Variants in CPEB1 observed in about 807,000 individuals in gnomAD.
CPEB1 encodes the protein cytoplasmic polyadenylation element-binding protein 1.
In CPEB1, 7 loss-of-function variants were observed where a neutral mutation model predicts 65.8. The observed-to-expected ratio is 0.11, with a 90% CI of 0.06 to 0.20. The LOEUF is 0.20. Among genes scored for constraint, CPEB1 ranks in the 10% least tolerant of loss-of-function variants. The pLI is 1.00. For synonymous variants in CPEB1, 262 were observed against 260.0 expected, an observed-to-expected ratio of 1.01 and a Z score of -0.08; for missense variants, 551 against 712.2, an observed-to-expected ratio of 0.77 and a Z score of 2.58.
intron 1 of CPEB1, chr15:82,628,882 G>A (rs531896836): frequency 6.1e-5 from 10 of 165,140 alleles, no homozygotes; most frequent in East Asian, 1.7e-4. Context: ...GTAAGAATAC[G>A]GTATAAAATA....
rs1480148601 is a variant in CPEB1 at position 82,552,669 on chromosome 15, T to C, written c.1145-53A>G. On this transcript the variant is annotated intron_variant, in intron 8 of 12. Coordinates refer to ENST00000684509, the MANE Select transcript of CPEB1 (RefSeq NM_001365242.1). ...TTAATATCCCTTAGGTGGCCACTCC[T>C]CAGCCTTGGCTTTGCAGCAGGGCGT... The C allele has an allele frequency of 1.9e-6, 3 of 1,595,180 alleles. No individual in the cohort carries two copies. The Admixed American group carries it at 5.1e-5, about 27-fold the overall frequency.
intron 3 of CPEB1, among the ~76,000 whole-genome samples, chr15:82,575,742 G>T (rs950414493): frequency 6.6e-6 from 1 of 152,028 alleles, no homozygotes; most frequent in Non-Finnish European, 1.5e-5. Flanking sequence ...AGACACTACT[G>T]CACACCTACT....
At chr15:82,611,771 A>G (rs2044174047) in intron 3 of CPEB1, among the ~76,000 whole-genome samples, 1 of 152,080 alleles carries the variant, frequency 6.6e-6, no homozygotes, top group African/African-American at 2.4e-5. Flanking sequence ...ATAAGTTTAA[A>G]AAAAACACAC....
At position 82,611,591 on chromosome 15, in the gene CPEB1, T is replaced by C. The variant is rs538337551; in HGVS notation, c.271+15602A>G. On this transcript the variant is annotated intron_variant, in intron 3 of 12. Transcript: ENST00000684509. ...GGCCAACATAGCAAGACCCCATCTC[T>C]ACAAAAAAATAAAAATAAAAATTAG... is the stretch of plus-strand genomic sequence containing the variant. Among the ~76,000 whole-genome samples the C allele has an allele frequency of 4.9e-4, 74 of 151,160 alleles. 1 individual carries two copies. Among genetic ancestry groups the C allele is most frequent in the African/African-American group, 1.7e-3 (69 of 41,136 alleles).
intron 1 of CPEB1, among the ~76,000 whole-genome samples, chr15:82,637,622 C>A (rs1320672700): frequency 6.6e-6 from 1 of 152,132 alleles, no homozygotes; most frequent in Non-Finnish European, 1.5e-5. Context: ...ACATGCTATT[C>A]TGAAACACTT....
rs186787813 is a variant in CPEB1 at position 82,628,257 on chromosome 15, A to C, written c.96+107T>G. 12 of 702,920 alleles carry C rather than the reference A, an allele frequency of 1.7e-5. No homozygotes were observed. The Admixed American group carries it at 2.4e-4, about 14-fold the overall frequency. The allele number at this position is 702,920 out of a possible 1,614,324, so 43.5% of individuals were successfully genotyped here. A position where few individuals can be genotyped will look rare whatever the true frequency, so the allele number is the denominator to read the frequency against. On this transcript the variant is annotated intron_variant, in intron 2 of 12. Coordinates refer to ENST00000684509, the MANE Select transcript of CPEB1 (RefSeq NM_001365242.1). ...GTACATGACTTCACAGATTTACCAC[A>C]GAGCCAATACAGGAAATCATGAAAG...
chr15:82,614,802 G>A (rs2044537211), intron 3 of CPEB1, among the ~76,000 whole-genome samples: 1 of 151,976 alleles, frequency 6.6e-6, no homozygotes. Flanking sequence ...TTCTTCAAGA[G>A]ACTTACAGTA....
intron 9 of CPEB1, among the ~76,000 whole-genome samples, chr15:82,552,034 G>A (rs1344717533): frequency 1.3e-5 from 2 of 152,192 alleles, no homozygotes; most frequent in Admixed American, 1.3e-4. Flanking sequence ...AGGTGGGTGT[G>A]GGCTAAAGAG....
At chr15:82,565,079 A>T (rs2038902633) in intron 4 of CPEB1, among the ~76,000 whole-genome samples, 1 of 152,196 alleles carries the variant, frequency 6.6e-6, no homozygotes, top group Admixed American at 6.5e-5. Context: ...GATATACTGT[A>T]AATTTGACTA....
At chr15:82,648,215 A>C, upstream of CPEB1, 1 of 273,942 alleles carries the variant, frequency 3.7e-6, no homozygotes, top group Non-Finnish European at 6.9e-6. Context: ...TGAGCGCGCC[A>C]TCACCTAAGT....
At chr15:82,647,703 A>G, upstream of CPEB1, 1 of 557,932 alleles carries the variant, frequency 1.8e-6, no homozygotes, top group Non-Finnish European at 2.6e-6. Context: ...ACGAGGCCCC[A>G]CGCCCGCGGG....
At position 82,630,657 on chromosome 15, in the gene CPEB1, AAC is replaced by A. The variant is rs149860963; in HGVS notation, c.-97-2103_-97-2102del. ...AAGACCCGATCCTGTAAACATCCAC[AAC>A]ACAGACTACAACGTGCTGTAAATGT... On this transcript the variant is annotated intron_variant, in intron 1 of 12. Coordinates refer to ENST00000684509, the MANE Select transcript of CPEB1 (RefSeq NM_001365242.1). Among the ~76,000 whole-genome samples the A allele has an allele frequency of 9.6e-3, 1,455 of 152,190 alleles. 23 individuals carry two copies. Among genetic ancestry groups the A allele is most frequent in the African/African-American group, 0.031 (1,303 of 41,516 alleles).
upstream of CPEB1, chr15:82,647,542 G>C (rs769615963): frequency 6.9e-6 from 2 of 289,890 alleles, no homozygotes; most frequent in Non-Finnish European, 1.3e-5. Context: ...TGTCCGGTCA[G>C]CTCCCGTCTG....
chr15:82,646,053 C>G (rs1218256754), intron 1 of CPEB1, among the ~76,000 whole-genome samples: 2 of 152,148 alleles, frequency 1.3e-5, no homozygotes, highest in Non-Finnish European at 2.9e-5. Context: ...GCTCCACAAG[C>G]TTTTCTAACT....
chr15:82,556,297 A>T, intron 5 of CPEB1, 175 bp from the exon 6 acceptor site: 1 of 669,982 alleles, frequency 1.5e-6, no homozygotes, highest in South Asian at 2.5e-5. Context: ...AATTTAAACA[A>T]ATGCTCCTTC....
Position 82,556,007 on chromosome 15 carries a change from G to C in CPEB1, c.803C>G (p.Ala268Gly). 1 of 1,613,676 alleles carries C rather than the reference G, an allele frequency of 6.2e-7. No homozygotes were observed. Among genetic ancestry groups the C allele is most frequent in the Non-Finnish European group, 8.5e-7 (1 of 1,179,818 alleles). Reference protein sequence around the residue: ...SRMDQEQAALAAVTPSPTSAS... With the variant: ...SRMDQEQAALGAVTPSPTSAS... ...ACTGGTTGGGGAGGGAGTGACTGCA[G>C]CAAGAGCAGCTTGCTCTTGGTCCAT... Residue 268 changes from alanine (A) to glycine (G), a missense_variant, in exon 6 of 13, where the codon GCT becomes GGT. This residue lies in a region of CPEB1 where 128 missense variants were observed against 129.1 expected (regional missense o/e 0.99). Coordinates refer to ENST00000684509, the MANE Select transcript of CPEB1 (RefSeq NM_001365242.1).
At chr15:82,567,071 G>A (rs939827952) in intron 4 of CPEB1, among the ~76,000 whole-genome samples, 2 of 152,178 alleles carry the variant, frequency 1.3e-5, no homozygotes, top group African/African-American at 2.4e-5. Flanking sequence ...GCCAAGCACT[G>A]TTGTACTGCT....
At chr15:82,632,090 T>C (rs1333660303) in intron 1 of CPEB1, among the ~76,000 whole-genome samples, 3 of 151,352 alleles carry the variant, frequency 2.0e-5, no homozygotes, top group Non-Finnish European at 2.9e-5. Context: ...CACAGGATTC[T>C]CTCGCCTCAG....
At position 82,553,947 on chromosome 15, in the gene CPEB1, G is replaced by T. The variant is rs746969978; in HGVS notation, c.985C>A (p.Arg329=). The T allele has an allele frequency of 6.2e-7, 1 of 1,611,688 alleles. No homozygotes were observed. The highest frequency in any genetic ancestry group is 8.5e-7 in the Non-Finnish European group (1 of 1,179,132). ...TCTWSGQLPP[R]NYKNPIYSCK... ...GAGTAGATGGGGTTCTTATAGTTCC[G>T]GGGAGGAAGCTGGCCACTCCAGGTA... Residue 329 remains arginine (R), a synonymous_variant, in exon 7 of 13, where the codon CGG becomes AGG. Transcript: ENST00000684509.
Sources: gnomAD v4.1 joint callset for allele counts (sites outside exome capture counted in the v4.1 genomes callset) on GRCh38, gnomAD v4.1.1 for gene constraint, gnomAD v4.1.1 regional missense constraint, MANE v1.5 for transcripts, NCBI Gene and HGNC (gene_info 2026-07-23, HGNC 2026-07-21) for gene names.